The following CLTC variants were observed in gnomAD, a reference collection of about 807,000 sequenced individuals.
CLTC encodes clathrin heavy chain.
A neutral mutation model predicts 195.8 loss-of-function variants in CLTC; 16 were observed. The ratio of observed to expected loss-of-function variants is 0.08; its 90% CI spans 0.06 to 0.12. The LOEUF is 0.12. Ranked by LOEUF, CLTC falls within the 10% of genes least tolerant of loss-of-function variation. CLTC has a pLI of 1.00. For synonymous variants in CLTC, 667 were observed against 689.4 expected (o/e 0.97, Z 0.51); for missense variants, 796 against 2,027.0 (o/e 0.39, Z 11.66).
chr17:59,638,077 C>T (rs2143477110), intron 1 of CLTC, among the ~76,000 whole-genome samples: 1 of 151,604 alleles, frequency 6.6e-6, no homozygotes, highest in Middle Eastern at 3.4e-3. Flanking sequence ...AATTCACACC[C>T]AGAGTTTCAG....
intron 1 of CLTC, among the ~76,000 whole-genome samples, chr17:59,641,127 A>AAC: frequency 2.0e-5 from 3 of 151,788 alleles, no homozygotes; most frequent in Admixed American, 2.0e-4. Flanking sequence ...CAAAAAAAAA[A>AAC]ACAAAAAACT....
At chr17:59,675,194 T>C (rs1363385873) in intron 16 of CLTC, among the ~76,000 whole-genome samples, 1 of 152,168 alleles carries the variant, frequency 6.6e-6, no homozygotes, top group Non-Finnish European at 1.5e-5. Context: ...TGATCAATCA[T>C]GTGGTGTTTC....
In CLTC at chr17:59,666,711, G is replaced by A. The variant is rs1356370082; in HGVS notation, c.1947+67G>A. 1.3e-6 allele frequency: 2 copies of A among 1,556,998 alleles called. No individual in the cohort carries two copies. The highest frequency in any genetic ancestry group is 2.7e-5 in the African/African-American group (2 of 73,252). ...TAATAGGTACACTGAAAATGTGTTT[G>A]TGGTACTAAATATTAATAATTTCAT... is the stretch of plus-strand genomic sequence containing the variant. On this transcript the variant is annotated intron_variant, in intron 12 of 31. Coordinates refer to ENST00000269122, the MANE Select transcript of CLTC (RefSeq NM_004859.4). This position sits in a 1 kb window ranked among gnomAD's most constrained non-coding sequence, Gnocchi z 4.9.
intron 1 of CLTC, among the ~76,000 whole-genome samples, chr17:59,640,080 AAT>A (rs1165814390): frequency 1.3e-5 from 2 of 152,202 alleles, no homozygotes; most frequent in East Asian, 3.8e-4. Flanking sequence ...CCTGTTTAAA[AAT>A]ATGTTGCATT....
At chr17:59,643,165 G>GTA (rs2032091220) in intron 1 of CLTC, among the ~76,000 whole-genome samples, 1 of 150,844 alleles carries the variant, frequency 6.6e-6, no homozygotes, top group Admixed American at 6.6e-5. Context: ...GTGTGTGTGT[G>GTA]TGTATTTTGT....
At chr17:59,632,164 C>T (rs1011493640) in intron 1 of CLTC, among the ~76,000 whole-genome samples, 4 of 151,576 alleles carry the variant, frequency 2.6e-5, no homozygotes, top group African/African-American at 4.8e-5. Context: ...GTCAGGAGAT[C>T]GAGACCATCC....
chr17:59,693,719 C>T lies in CLTC; in HGVS notation c.4904-9C>T. ...GCCCCCTGCTCCTTTTTGTTTTCTT[C>T]TACTGTAGGTCAGCCCCAGTTGATG... On this transcript the variant is annotated splice_polypyrimidine_tract_variant and intron_variant, in intron 31 of 31. Transcript: ENST00000269122. 1.9e-6 allele frequency: 3 copies of T among 1,607,860 alleles called. No individual in the cohort carries two copies. The highest frequency in any genetic ancestry group is 1.7e-5 in the Admixed American group (1 of 58,980).
At chr17:59,650,509 A>C (rs1253358645) in intron 4 of CLTC, among the ~76,000 whole-genome samples, 1 of 115,166 alleles carries the variant, frequency 8.7e-6, no homozygotes, top group Non-Finnish European at 1.7e-5. Context: ...TTTTTTTGAG[A>C]TGGAGTCTTG....
rs1439257096 is a variant in CLTC, at chr17:59,696,389, T to C, written c.*2537T>C. The C allele has an allele frequency of 4.6e-6, 1 of 219,312 alleles. No individual in the cohort carries two copies. Among genetic ancestry groups the C allele is most frequent in the African/African-American group, 2.2e-5 (1 of 44,552 alleles). The allele number at this position is 219,312 out of a possible 1,614,324, so 13.6% of individuals were successfully genotyped here. A position where few individuals can be genotyped will look rare whatever the true frequency, so the allele number is the denominator to read the frequency against. ...CCTTGAGATGGTGCTATAACGCTGC[T>C]TATATTGCAGTTAACCATAGAGAGG... On this transcript the variant is annotated 3_prime_UTR_variant, in exon 32 of 32. Coordinates refer to ENST00000269122, the MANE Select transcript of CLTC (RefSeq NM_004859.4).
At chr17:59,643,926 G>T (rs969103661) in intron 1 of CLTC, among the ~76,000 whole-genome samples, 11 of 152,080 alleles carry the variant, frequency 7.2e-5, no homozygotes, top group Non-Finnish European at 1.2e-4. Flanking sequence ...ACATGTTAAG[G>T]GGGGTGAGAG....
At chr17:59,620,272 CG>C (rs1002359919) in intron 1 of CLTC, 99 bp downstream of exon 1, 85 of 1,187,390 alleles carry the variant, frequency 7.2e-5, no homozygotes, top group Non-Finnish European at 8.5e-5. Flanking sequence ...GCTGGAGGGG[CG>C]GGGGGGTTGT....
At chr17:59,671,097 A>G (rs1201788758) in intron 14 of CLTC, 1 of 152,208 alleles carries the variant, frequency 6.6e-6, no homozygotes, top group Non-Finnish European at 1.5e-5. Context: ...TAAGCCTTGG[A>G]AAAAGGTGGA....
chr17:59,665,626 G>A (rs2032712041), intron 10 of CLTC, among the ~76,000 whole-genome samples: 1 of 152,064 alleles, frequency 6.6e-6, no homozygotes, highest in African/African-American at 2.4e-5. Context: ...ATCACCTGAG[G>A]TCAGGAGTTT....
rs1005513470 is a variant in CLTC, at chr17:59,657,503, A to T, written c.969+1476A>T. 5.3e-5 allele frequency among the ~76,000 whole-genome samples: 8 copies of T among 152,278 alleles called. No individual in the cohort carries two copies. In the East Asian group the frequency reaches 1.5e-3, roughly 29 times the overall value. On this transcript the variant is annotated intron_variant, in intron 6 of 31. Coordinates refer to ENST00000269122, the MANE Select transcript of CLTC (RefSeq NM_004859.4). ...AGAATAAGGCTAGGCTCAGTGGCTC[A>T]TACCTGTAATCCCAGCACTTTGGGA... is the stretch of plus-strand genomic sequence containing the variant.
intron 4 of CLTC, among the ~76,000 whole-genome samples, chr17:59,649,677 T>C (rs1038015283): frequency 6.6e-6 from 1 of 152,140 alleles, no homozygotes; most frequent in Non-Finnish European, 1.5e-5. Context: ...GCTTAAGATA[T>C]CATCTGTAGC....
intron 14 of CLTC, 68 bp from the exon 15 acceptor site, chr17:59,673,579 A>G: frequency 1.6e-6 from 2 of 1,232,778 alleles, no homozygotes; most frequent in South Asian, 1.3e-5. Context: ...ACAAATTCTC[A>G]TATGTTACAC....
chr17:59,677,876 G>GAAC (rs1187177330), intron 17 of CLTC, among the ~76,000 whole-genome samples: 4 of 152,120 alleles, frequency 2.6e-5, no homozygotes, highest in African/African-American at 9.7e-5. Context: ...ATTTTAAAGT[G>GAAC]AACAATTCAG....
chr17:59,620,803 G>C (rs2031350765), intron 1 of CLTC, among the ~76,000 whole-genome samples: 1 of 152,162 alleles, frequency 6.6e-6, no homozygotes, highest in Non-Finnish European at 1.5e-5. Flanking sequence ...AGGGTAGAAT[G>C]GGAGAACGCA....
Position 59,685,295 on chromosome 17 carries a change from C to A in CLTC, c.4605+69C>A, listed in dbSNP as rs1009782109. The A allele has an allele frequency of 2.1e-5, 29 of 1,395,144 alleles. No homozygotes were observed. Among genetic ancestry groups the A allele is most frequent in the Non-Finnish European group, 2.4e-5 (25 of 1,036,466 alleles). The allele number at this position is 1,395,144 out of a possible 1,614,324, so 86.4% of individuals were successfully genotyped here. Reference sequence around the variant, plus strand: ...AAATGGTGTTACAAGTGATTATAATCTATAAATAAAAGTATTGGTTTTGTG... The same window carrying A: ...AAATGGTGTTACAAGTGATTATAATATATAAATAAAAGTATTGGTTTTGTG... On this transcript the variant is annotated intron_variant, in intron 29 of 31. Coordinates refer to ENST00000269122, the MANE Select transcript of CLTC (RefSeq NM_004859.4). The surrounding 1 kb of genome is among the most constrained non-coding windows in gnomAD (Gnocchi z 5.0).
Sources: gnomAD v4.1 joint callset for allele counts (sites outside exome capture counted in the v4.1 genomes callset) on GRCh38, gnomAD v4.1.1 for gene constraint, Gnocchi (gnomAD v3.1) non-coding constraint, MANE v1.5 for transcripts, NCBI Gene and HGNC (gene_info 2026-07-23, HGNC 2026-07-21) for gene names.